CSNK1A1: variants seen among roughly 807,000 people sequenced by gnomAD.
CSNK1A1 encodes the protein casein kinase 1 alpha 1.
In CSNK1A1, 7 loss-of-function variants were observed where a neutral mutation model predicts 46.1. That is an observed-to-expected ratio of 0.15 (90% confidence interval 0.09 to 0.29). The LOEUF (loss-of-function observed/expected upper bound fraction) is 0.29, where lower values mean the gene tolerates loss of function less well. Ranked by LOEUF, CSNK1A1 falls within the 10% of genes least tolerant of loss-of-function variation. The pLI, the probability that CSNK1A1 is intolerant of heterozygous loss-of-function variation, is 1.00. For missense variants in CSNK1A1, 96 were observed against 417.1 expected (o/e 0.23, Z 6.71); for synonymous variants, 137 against 141.5 (o/e 0.97, Z 0.23).
intron 7 of CSNK1A1, 32 bp downstream of exon 7, chr5:149,509,846 TA>T: frequency 6.5e-7 from 1 of 1,541,562 alleles, no homozygotes; most frequent in Non-Finnish European, 8.9e-7. Context: ...TGGCTTCATT[TA>T]TATTTTTTTA....
At chr5:149,515,400 G>T (rs544912848) in intron 4 of CSNK1A1, among the ~76,000 whole-genome samples, 60 of 152,280 alleles carry the variant, frequency 3.9e-4, no homozygotes, top group Admixed American at 7.8e-4. Flanking sequence ...GTGTTCGCTG[G>T]AGAGTTCTTT....
chr5:149,533,675 C>CAAAAAAA (rs200137063), intron 2 of CSNK1A1, among the ~76,000 whole-genome samples: 50 of 134,450 alleles, frequency 3.7e-4, no homozygotes, highest in African/African-American at 1.3e-3. Flanking sequence ...GACGTAGTTG[C>CAAAAAAA]AAAAAAAAAA....
chr5:149,546,008 C>T (rs911725086), intron 2 of CSNK1A1, among the ~76,000 whole-genome samples: 1 of 151,862 alleles, frequency 6.6e-6, no homozygotes, highest in Non-Finnish European at 1.5e-5. Context: ...CCTGCCTCAG[C>T]CTCCTGAGTA....
intron 9 of CSNK1A1, chr5:149,501,641 A>G: frequency 1.0e-6 from 1 of 985,288 alleles, no homozygotes; most frequent in Non-Finnish European, 1.2e-6. Flanking sequence ...AGGGTAGTAA[A>G]CAGATGGGTT....
intron 2 of CSNK1A1, among the ~76,000 whole-genome samples, chr5:149,529,030 A>C (rs185436209): frequency 6.6e-6 from 1 of 152,234 alleles, no homozygotes; most frequent in African/African-American, 2.4e-5. Flanking sequence ...AGTGATGTGC[A>C]TATTGCAGGT....
In CSNK1A1 at chr5:149,539,329, G is replaced by C. The variant is rs116245512; in HGVS notation, c.230+10746C>G. ...ATAAAAATAAAAATTAGCCAAGTAT[G>C]GTGGTGTATGCCTGTAGTCTCAGCT... On this transcript the variant is annotated intron_variant, in intron 2 of 9. Coordinates refer to ENST00000377843, the MANE Select transcript of CSNK1A1 (RefSeq NM_001892.6). Among the ~76,000 whole-genome samples the C allele has an allele frequency of 4.2e-3, 637 of 152,186 alleles. 5 individuals are homozygous for C. Among genetic ancestry groups the C allele is most frequent in the African/African-American group, 0.015 (608 of 41,496 alleles).
chr5:149,515,912 A>C (rs1761385613), intron 4 of CSNK1A1, among the ~76,000 whole-genome samples: 1 of 152,248 alleles, frequency 6.6e-6, no homozygotes, highest in Non-Finnish European at 1.5e-5. Context: ...TCCTTCAGTG[A>C]ATCAAGCTCC....
chr5:149,505,172 C>T (rs1760983298), intron 9 of CSNK1A1: 3 of 1,086,228 alleles, frequency 2.8e-6, no homozygotes, highest in East Asian at 5.8e-5. Flanking sequence ...AAAAAAGATG[C>T]AGTTGTTAAA....
At chr5:149,531,715 CAAAAAAT>C (rs201529392) in intron 2 of CSNK1A1, among the ~76,000 whole-genome samples, 36,453 of 146,568 alleles carry the variant, frequency 0.25, 4,945 homozygotes, top group Admixed American at 0.4. Context: ...AAACAAAAAA[CAAAAAAT>C]TAGCCGCACA....
At chr5:149,513,814 C>T (rs1187705481) in intron 4 of CSNK1A1, among the ~76,000 whole-genome samples, 1 of 151,768 alleles carries the variant, frequency 6.6e-6, no homozygotes, top group African/African-American at 2.4e-5. Context: ...GCAGGAGAAT[C>T]GCTTGAACCC....
At chr5:149,509,995 C>A in intron 6 of CSNK1A1, 42 bp from the exon 7 acceptor site, 1 of 1,374,002 alleles carries the variant, frequency 7.3e-7, no homozygotes, top group East Asian at 2.4e-5. Flanking sequence ...CTCAGTGCTA[C>A]TGAGAAGAAC....
intron 2 of CSNK1A1, among the ~76,000 whole-genome samples, chr5:149,536,032 C>A (rs909598457): frequency 1.3e-5 from 2 of 151,460 alleles, no homozygotes; most frequent in Non-Finnish European, 2.9e-5. Flanking sequence ...CAGCTCACCA[C>A]AATCTCTGCC....
chr5:149,511,926 A>G (rs1161120203), intron 5 of CSNK1A1, 54 bp from the exon 6 acceptor site: 2 of 1,396,396 alleles, frequency 1.4e-6, no homozygotes, highest in Admixed American at 1.8e-5. Context: ...GAAAAAACAT[A>G]TGAAAGAAAG....
At chr5:149,528,862 A>C (rs1053601759) in intron 2 of CSNK1A1, among the ~76,000 whole-genome samples, 2 of 152,226 alleles carry the variant, frequency 1.3e-5, no homozygotes, top group African/African-American at 4.8e-5. Context: ...ATGAACAAGC[A>C]CTAACCCGAT....
intron 7 of CSNK1A1, among the ~76,000 whole-genome samples, chr5:149,508,215 C>T (rs1454806862): frequency 6.6e-6 from 1 of 152,122 alleles, no homozygotes; most frequent in African/African-American, 2.4e-5. Flanking sequence ...GAAATGCTTG[C>T]AACATTTTTT....
intron 9 of CSNK1A1, chr5:149,502,520 T>TGG (rs61707983): frequency 2.2e-3 from 48 of 21,916 alleles, no homozygotes; most frequent in Middle Eastern, 0.029. Context: ...TTTTTTTTTT[T>TGG]GGGGGGGGGG....
At chr5:149,534,209 C>T (rs994903012) in intron 2 of CSNK1A1, among the ~76,000 whole-genome samples, 7 of 151,920 alleles carry the variant, frequency 4.6e-5, no homozygotes, top group African/African-American at 7.3e-5. Context: ...TGGCCAGGCG[C>T]GGTGGCTCAC....
chr5:149,531,305 A>G (rs1436161873), intron 2 of CSNK1A1, among the ~76,000 whole-genome samples: 1 of 149,134 alleles, frequency 6.7e-6, no homozygotes, highest in Non-Finnish European at 1.5e-5. Context: ...GAGGCCAAGG[A>G]GGGCGGATCA....
chr5:149,504,390 T>G, intron 9 of CSNK1A1: 2 of 979,172 alleles, frequency 2.0e-6, no homozygotes, highest in Non-Finnish European at 2.4e-6. Context: ...ACTAAAAATG[T>G]GAAGCAAAGA....
Sources: allele counts gnomAD v4.1 joint callset (sites outside exome capture counted in the v4.1 genomes callset), GRCh38; gene constraint gnomAD v4.1.1; transcripts MANE v1.5; gene names NCBI Gene and HGNC (gene_info 2026-07-23, HGNC 2026-07-21).